The following NAALADL2 variants were observed in gnomAD, a reference collection of about 807,000 sequenced individuals.
The protein encoded by NAALADL2 is inactive N-acetylated-alpha-linked acidic dipeptidase-like protein 2.
In NAALADL2, 76 loss-of-function variants were observed where a neutral mutation model predicts 87.2. The observed-to-expected ratio is 0.87, with a 90% CI of 0.72 to 1.05. The LOEUF (loss-of-function observed/expected upper bound fraction) is 1.05. Ranked by LOEUF, NAALADL2 falls within the 50% of genes least tolerant of loss-of-function variation. NAALADL2 has a pLI of 0.00. For missense variants in NAALADL2, 1,089 were observed against 945.8 expected, an observed-to-expected ratio of 1.15 and a Z score of -1.99; for synonymous variants, 354 against 331.0, an observed-to-expected ratio of 1.07 and a Z score of -0.75.
chr3:175,285,396 G>A (rs1259200972), intron 4 of NAALADL2, among the ~76,000 whole-genome samples: 1 of 151,994 alleles, frequency 6.6e-6, no homozygotes, highest in Admixed American at 6.6e-5. Context: ...TTTTGTTAAA[G>A]TAAAACAATA....
intron 7 of NAALADL2, among the ~76,000 whole-genome samples, chr3:175,465,038 G>A (rs944590242): frequency 6.6e-6 from 1 of 152,010 alleles, no homozygotes; most frequent in East Asian, 1.9e-4. Context: ...GTATTCTTCA[G>A]TATATGATAT....
chr3:174,631,341 T>C (rs1722093083), intron 2 of NAALADL2, among the ~76,000 whole-genome samples: 1 of 152,116 alleles, frequency 6.6e-6, no homozygotes, highest in Non-Finnish European at 1.5e-5. Context: ...AAACAGTGAG[T>C]AGGAAAAGTA....
intron 2 of NAALADL2, among the ~76,000 whole-genome samples, chr3:174,631,464 G>A (rs556056932): frequency 2.8e-4 from 43 of 152,252 alleles, no homozygotes; most frequent in Non-Finnish European, 5.9e-4. Flanking sequence ...ATGACAAAAT[G>A]CATTCTTCCC....
Position 175,560,837 on chromosome 3 carries a change from G to A in NAALADL2, c.1654-15204G>A, listed in dbSNP as rs147573111. ...GGCTTTCACCATGTTGGCCAGGATG[G>A]TCTCTATCTCTTGACCTCATGATCC... On this transcript the variant is annotated intron_variant, in intron 9 of 13. Transcript: ENST00000454872. Among the ~76,000 whole-genome samples the A allele has an allele frequency of 2.8e-4, 43 of 152,200 alleles. 1 individual carries two copies. The highest frequency in any genetic ancestry group is 1.0e-3 in the African/African-American group (43 of 41,526).
chr3:174,965,981 T>C (rs1742804953), intron 1 of NAALADL2, among the ~76,000 whole-genome samples: 1 of 152,114 alleles, frequency 6.6e-6, no homozygotes, highest in South Asian at 2.1e-4. Flanking sequence ...GGAAGTTAAG[T>C]AGGATTGTCT....
At chr3:175,751,098 T>A (rs561461166) in intron 12 of NAALADL2, among the ~76,000 whole-genome samples, 11 of 152,286 alleles carry the variant, frequency 7.2e-5, no homozygotes, top group Middle Eastern at 3.4e-3. Context: ...TTAATATTTA[T>A]AATAAATCAG....
intron 2 of NAALADL2, among the ~76,000 whole-genome samples, chr3:174,597,406 A>C (rs1718022582): frequency 6.6e-6 from 1 of 152,184 alleles, no homozygotes. Context: ...TACACAGTTC[A>C]GGCATAGTAA....
intron 4 of NAALADL2, among the ~76,000 whole-genome samples, chr3:175,318,721 C>A (rs896659673): frequency 4.5e-4 from 68 of 152,198 alleles, no homozygotes; most frequent in Middle Eastern, 3.4e-3. Flanking sequence ...AATGTAACAA[C>A]CACTACAATC....
intron 11 of NAALADL2, among the ~76,000 whole-genome samples, chr3:175,647,400 G>T (rs537211327): frequency 6.6e-6 from 1 of 152,160 alleles, no homozygotes; most frequent in South Asian, 2.1e-4. Flanking sequence ...GATTTAAGTT[G>T]CTAGTTGAGA....
intron 4 of NAALADL2, among the ~76,000 whole-genome samples, chr3:175,268,934 A>G (rs141875422): frequency 6.2e-4 from 89 of 143,900 alleles, no homozygotes; most frequent in African/African-American, 2.2e-3. Context: ...TTTACAGTTA[A>G]CTATTTAATT....
chr3:175,253,086 CAA>C (rs1371416558), intron 3 of NAALADL2, among the ~76,000 whole-genome samples: 2 of 152,128 alleles, frequency 1.3e-5, no homozygotes, highest in African/African-American at 2.4e-5. Flanking sequence ...CTACACTAAA[CAA>C]GAGATTTTCC....
intron 1 of NAALADL2, among the ~76,000 whole-genome samples, chr3:174,964,590 T>C (rs887505349): frequency 4.3e-4 from 65 of 152,058 alleles, no homozygotes; most frequent in African/African-American, 1.5e-3. Context: ...GAGGATGATA[T>C]CTAGAAGCCT....
At chr3:174,864,283 T>C (rs1237183900) in intron 1 of NAALADL2, among the ~76,000 whole-genome samples, 3 of 152,094 alleles carry the variant, frequency 2.0e-5, no homozygotes, top group Non-Finnish European at 2.9e-5. Flanking sequence ...TTTGTCTTTC[T>C]AAGTGGAAGT....
At chr3:175,348,540 GA>G (rs1199399320) in intron 5 of NAALADL2, among the ~76,000 whole-genome samples, 1 of 152,110 alleles carries the variant, frequency 6.6e-6, no homozygotes, top group Non-Finnish European at 1.5e-5. Flanking sequence ...TGTTCCCCCT[GA>G]AGGTTCTAGG....
chr3:174,652,222 A>G (rs140378527), intron 2 of NAALADL2, among the ~76,000 whole-genome samples: 1 of 152,324 alleles, frequency 6.6e-6, no homozygotes, highest in Non-Finnish European at 1.5e-5. Flanking sequence ...TTAGAGTGCA[A>G]CAGCTGAGCT....
intron 4 of NAALADL2, among the ~76,000 whole-genome samples, chr3:175,287,860 G>C (rs182043356): frequency 4.2e-4 from 64 of 152,226 alleles, no homozygotes; most frequent in Admixed American, 9.2e-4. Flanking sequence ...ATCATTGCAA[G>C]TGAATTTTTT....
At chr3:175,544,916 G>A (rs536348786) in intron 9 of NAALADL2, among the ~76,000 whole-genome samples, 34 of 152,128 alleles carry the variant, frequency 2.2e-4, no homozygotes, top group South Asian at 4.1e-4. Flanking sequence ...AATCATCTCC[G>A]GCAAGCCTTC....
intron 11 of NAALADL2, among the ~76,000 whole-genome samples, chr3:175,709,358 G>T (rs1437753612): frequency 6.6e-6 from 1 of 151,972 alleles, no homozygotes; most frequent in Non-Finnish European, 1.5e-5. Flanking sequence ...ATTTATAAAT[G>T]ATATTTCCAG....
At chr3:174,826,028 AAACAACAAC>A (rs71624294) in intron 3 of NAALADL2, among the ~76,000 whole-genome samples, 3 of 150,458 alleles carry the variant, frequency 2.0e-5, no homozygotes, top group Non-Finnish European at 4.4e-5. Context: ...ACTCCATCTC[AAACAACAAC>A]AACAACAACA....
Sources: allele counts gnomAD v4.1 joint callset (sites outside exome capture counted in the v4.1 genomes callset), GRCh38; gene constraint gnomAD v4.1.1; transcripts MANE v1.5; gene names NCBI Gene and HGNC (gene_info 2026-07-23, HGNC 2026-07-21).